Variants in ASIC2 observed in about 807,000 individuals in gnomAD.
ASIC2 encodes the protein acid sensing ion channel subunit 2.
Under a neutral mutation model 57.3 loss-of-function variants are expected in ASIC2, and 25 were observed. That is an observed-to-expected ratio of 0.44 (90% CI 0.32 to 0.61). The LOEUF is 0.61. ASIC2 is among the 20% of genes least tolerant of loss of function. The probability of loss-of-function intolerance (pLI) is 0.06; values close to 1 mark genes in which losing one functional copy is unlikely to be tolerated. For missense variants in ASIC2, 641 were observed against 738.1 expected (o/e 0.87, Z 1.52); for synonymous variants, 319 against 307.5 (o/e 1.04, Z -0.39).
upstream of ASIC2, among the ~76,000 whole-genome samples, chr17:33,296,490 T>C (rs1249425036): frequency 6.6e-6 from 1 of 152,198 alleles, no homozygotes; most frequent in Non-Finnish European, 1.5e-5. Flanking sequence ...ACATAACCTC[T>C]CCACCAAGAA....
At chr17:33,732,454 A>G (rs1487388138) in intron 1 of ASIC2, among the ~76,000 whole-genome samples, 1 of 150,324 alleles carries the variant, frequency 6.7e-6, no homozygotes, top group Non-Finnish European at 1.5e-5. Context: ...CTATACCTCC[A>G]TGTTCTTTTG....
chr17:33,610,054 G>GCGCGCACACACACACACACACACA (rs375575593), intron 1 of ASIC2, among the ~76,000 whole-genome samples: 1 of 144,736 alleles, frequency 6.9e-6, no homozygotes, highest in African/African-American at 2.6e-5. Context: ...GGACAGAGGC[G>GCGCGCACACACACACACACACACA]CACACACACA....
At chr17:33,608,604 T>A (rs1905296207) in intron 1 of ASIC2, among the ~76,000 whole-genome samples, 1 of 152,072 alleles carries the variant, frequency 6.6e-6, no homozygotes. Context: ...CAACCCAGGA[T>A]GATACAGTGC....
intron 1 of ASIC2, among the ~76,000 whole-genome samples, chr17:33,197,745 G>C (rs564274164): frequency 2.6e-4 from 40 of 152,318 alleles, no homozygotes; most frequent in Non-Finnish European, 4.7e-4. Context: ...AGAGCTGTGG[G>C]TCAGGGACCC....
chr17:33,322,561 A>G (rs1906912130), intron 1 of ASIC2, among the ~76,000 whole-genome samples: 1 of 151,828 alleles, frequency 6.6e-6, no homozygotes, highest in South Asian at 2.1e-4. Flanking sequence ...AGAAAGATTC[A>G]TTCATTCATT....
At position 33,136,076 on chromosome 17, in the gene ASIC2, C is replaced by G. The variant is rs561944568; in HGVS notation, c.709-24009G>C. Among the ~76,000 whole-genome samples, 14 of 152,326 alleles carry G rather than the reference C, an allele frequency of 9.2e-5. No individual in the cohort carries two copies. In the East Asian group the frequency reaches 2.7e-3, roughly 29 times the overall value. ...GTAATGTTCATGTCCTGACCTTGGG[C>G]TCTGATAGAGCATAGGGAATCTGTG... On this transcript the variant is annotated intron_variant, in intron 1 of 9. Transcript: ENST00000225823.
chr17:33,591,694 T>G (rs901644981), intron 1 of ASIC2, among the ~76,000 whole-genome samples: 1 of 152,144 alleles, frequency 6.6e-6, no homozygotes, highest in Non-Finnish European at 1.5e-5. Context: ...TTGACTGATA[T>G]AGGGGCACAA....
chr17:33,194,202 T>G (rs1412445026), intron 1 of ASIC2, among the ~76,000 whole-genome samples: 2 of 152,190 alleles, frequency 1.3e-5, no homozygotes, highest in Non-Finnish European at 2.9e-5. Flanking sequence ...AATCTGAAAT[T>G]ATTGCTTTCA....
chr17:33,870,224 G>GTTTTTTTTT (rs869267956), intron 1 of ASIC2, among the ~76,000 whole-genome samples: 9 of 50,120 alleles, frequency 1.8e-4, no homozygotes, highest in African/African-American at 3.2e-4. Flanking sequence ...GAGAAATTCT[G>GTTTTTTTTT]TTTTTTTTTT....
intron 1 of ASIC2, among the ~76,000 whole-genome samples, chr17:33,221,300 A>G (rs773732376): frequency 2.0e-5 from 3 of 152,152 alleles, no homozygotes; most frequent in Non-Finnish European, 2.9e-5. Flanking sequence ...ACCCTTCCAT[A>G]TTACCGAAAA....
chr17:33,316,059 T>C (rs1316468834), intron 1 of ASIC2, among the ~76,000 whole-genome samples: 1 of 152,234 alleles, frequency 6.6e-6, no homozygotes, highest in Non-Finnish European at 1.5e-5. Flanking sequence ...TGGTACAAAG[T>C]AGATGCTTAA....
chr17:33,483,151 C>A (rs1913462703), intron 1 of ASIC2, among the ~76,000 whole-genome samples: 1 of 152,222 alleles, frequency 6.6e-6, no homozygotes, highest in South Asian at 2.1e-4. Context: ...TACGCGGCCT[C>A]CTGACTCTTC....
intron 1 of ASIC2, among the ~76,000 whole-genome samples, chr17:33,871,068 C>T (rs11871793): frequency 0.26 from 40,272 of 152,106 alleles, 5,457 homozygotes; most frequent in Non-Finnish European, 0.28. Context: ...TGTGAGATGC[C>T]ATGATCAAGC....
intron 1 of ASIC2, among the ~76,000 whole-genome samples, chr17:33,606,957 G>T (rs1905247538): frequency 6.6e-6 from 1 of 152,154 alleles, no homozygotes; most frequent in Non-Finnish European, 1.5e-5. Flanking sequence ...CACCAGTGTG[G>T]GTGTTGCAGA....
chr17:33,330,101 T>C (rs956961928), intron 1 of ASIC2, among the ~76,000 whole-genome samples: 1 of 152,184 alleles, frequency 6.6e-6, no homozygotes, highest in Admixed American at 6.5e-5. Flanking sequence ...ATTTTTAATA[T>C]ATGAAGGGTA....
intron 1 of ASIC2, among the ~76,000 whole-genome samples, chr17:33,889,845 A>T (rs1914921194): frequency 6.6e-6 from 1 of 152,212 alleles, no homozygotes; most frequent in Non-Finnish European, 1.5e-5. Flanking sequence ...AGTCAGAACC[A>T]TTAGGAACAA....
intron 1 of ASIC2, among the ~76,000 whole-genome samples, chr17:33,360,058 G>A (rs967622809): frequency 8.5e-5 from 13 of 152,120 alleles, no homozygotes; most frequent in African/African-American, 3.1e-4. Flanking sequence ...TTCCTAGTAT[G>A]GAGTACATGT....
intron 1 of ASIC2, among the ~76,000 whole-genome samples, chr17:34,042,347 A>G (rs1908169461): frequency 6.6e-6 from 1 of 152,234 alleles, no homozygotes; most frequent in Admixed American, 6.5e-5. Context: ...TGTGAATGAT[A>G]AACAATAGAA....
chr17:33,038,037 G>A (rs1228737049), intron 3 of ASIC2, among the ~76,000 whole-genome samples: 1 of 152,198 alleles, frequency 6.6e-6, no homozygotes, highest in Non-Finnish European at 1.5e-5. Context: ...ATTTGAGAAT[G>A]AGAGATAGCA....
Sources: gnomAD v4.1 joint callset for allele counts (sites outside exome capture counted in the v4.1 genomes callset) on GRCh38, gnomAD v4.1.1 for gene constraint, MANE v1.5 for transcripts, NCBI Gene and HGNC (gene_info 2026-07-23, HGNC 2026-07-21) for gene names.